DIS3L2: variants seen among roughly 807,000 people sequenced by gnomAD.
The protein encoded by DIS3L2 is DIS3-like exonuclease 2.
A neutral mutation model predicts 97.5 loss-of-function variants in DIS3L2; 34 were observed. The observed-to-expected ratio is 0.35, with a 90% CI of 0.27 to 0.46. The LOEUF is 0.46. Among genes scored for constraint, DIS3L2 ranks in the 20% least tolerant of loss-of-function variants. The pLI, the probability that DIS3L2 is intolerant of heterozygous loss-of-function variation, is 1.00. For missense variants in DIS3L2, 1,038 were observed against 1,146.0 expected (o/e 0.91, Z 1.36); for synonymous variants, 435 against 445.2 (o/e 0.98, Z 0.29).
chr2:232,190,792 G>A (rs1438295913), intron 9 of DIS3L2, among the ~76,000 whole-genome samples: 1 of 152,090 alleles, frequency 6.6e-6, no homozygotes, highest in East Asian at 1.9e-4. Context: ...GAGGACCAAG[G>A]ATAGACTGTG....
chr2:232,186,338 C>A (rs1574933341), intron 9 of DIS3L2, among the ~76,000 whole-genome samples: 1 of 152,178 alleles, frequency 6.6e-6, no homozygotes, highest in Non-Finnish European at 1.5e-5. Context: ...AGACTACGAA[C>A]TTTCATCATT....
Position 232,161,208 on chromosome 2 carries a change from G to A in DIS3L2, c.951-2251G>A, listed in dbSNP as rs372902422. ...TGGGATTACAGGCGTGAGCCACCGC[G>A]CCCAGCCTATTTGTTCATTTTCTAT... On this transcript the variant is annotated intron_variant, in intron 8 of 20. Transcript: ENST00000325385. 2.6e-5 allele frequency among the ~76,000 whole-genome samples: 4 copies of A among 152,076 alleles called. No individual in the cohort carries two copies. The South Asian group carries it at 6.2e-4, about 24-fold the overall frequency.
chr2:232,333,762 G>T, intron 16 of DIS3L2, 78 bp from the exon 17 acceptor site: 94 of 1,452,520 alleles, frequency 6.5e-5, no homozygotes, highest in Admixed American at 5.8e-4. Context: ...CGACGGTGAG[G>T]CTGTGGGTGG....
At chr2:232,196,940 C>G (rs1691773010) in intron 9 of DIS3L2, among the ~76,000 whole-genome samples, 1 of 151,980 alleles carries the variant, frequency 6.6e-6, no homozygotes, top group African/African-American at 2.4e-5. Context: ...CTTAACCCTT[C>G]CCCAGTTAGC....
chr2:232,074,032 G>A (rs1181562367), intron 5 of DIS3L2, among the ~76,000 whole-genome samples: 1 of 152,302 alleles, frequency 6.6e-6, no homozygotes, highest in East Asian at 1.9e-4. Flanking sequence ...TTCTTGCTAA[G>A]ACACTTCTTT....
At chr2:232,065,411 T>G (rs1695827268) in intron 5 of DIS3L2, among the ~76,000 whole-genome samples, 1 of 152,050 alleles carries the variant, frequency 6.6e-6, no homozygotes, top group Non-Finnish European at 1.5e-5. Flanking sequence ...AAGTGAGGGC[T>G]GAATTTCATC....
At chr2:232,148,475 A>G (rs1690288691) in intron 8 of DIS3L2, among the ~76,000 whole-genome samples, 1 of 152,222 alleles carries the variant, frequency 6.6e-6, no homozygotes, top group African/African-American at 2.4e-5. Flanking sequence ...CTCCAATGAA[A>G]GTCCGTAATA....
chr2:231,962,786 G>T (rs1692605454), intron 1 of DIS3L2, among the ~76,000 whole-genome samples: 1 of 152,162 alleles, frequency 6.6e-6, no homozygotes, highest in South Asian at 2.1e-4. Flanking sequence ...ACTCCCACTT[G>T]TAAGTGTGCT....
chr2:232,046,113 T>C (rs1022415452), intron 5 of DIS3L2, among the ~76,000 whole-genome samples: 3 of 152,202 alleles, frequency 2.0e-5, no homozygotes, highest in Non-Finnish European at 4.4e-5. Flanking sequence ...CGTGGTCATT[T>C]CTTTTCCTTG....
At chr2:232,334,153 C>T (rs969659438) in intron 17 of DIS3L2, among the ~76,000 whole-genome samples, 166 bp downstream of exon 17, 3 of 152,186 alleles carry the variant, frequency 2.0e-5, no homozygotes, top group Admixed American at 1.3e-4. Context: ...CCCTACGGGC[C>T]GGTGCTGCAG....
intron 1 of DIS3L2, among the ~76,000 whole-genome samples, chr2:231,984,003 TG>T (rs1693336787): frequency 1.3e-5 from 2 of 152,248 alleles, no homozygotes; most frequent in Admixed American, 1.3e-4. Flanking sequence ...TTTTGTGTAT[TG>T]TTTTTGGGCA....
At position 231,987,786 on chromosome 2, in the gene DIS3L2, G is replaced by C. The variant is rs189330282; in HGVS notation, c.-94+26021G>C. On this transcript the variant is annotated intron_variant, in intron 1 of 20. Coordinates refer to ENST00000325385, the MANE Select transcript of DIS3L2 (RefSeq NM_152383.5). ...TAGGGAGAAGAAGTACACCAGGTCTGTCATAGTTGTACTTTGGTGTTTTGG... is the reference window on the plus strand; with the variant it reads ...TAGGGAGAAGAAGTACACCAGGTCTCTCATAGTTGTACTTTGGTGTTTTGG... Among the ~76,000 whole-genome samples the C allele has an allele frequency of 2.4e-3, 370 of 152,212 alleles. 6 individuals are homozygous for C. The highest frequency in any genetic ancestry group is 1.7e-3 in the Non-Finnish European group (114 of 67,990).
chr2:232,282,943 T>G (rs1352365346), intron 13 of DIS3L2, among the ~76,000 whole-genome samples: 1 of 152,230 alleles, frequency 6.6e-6, no homozygotes, highest in African/African-American at 2.4e-5. Flanking sequence ...CCCCAGGTTG[T>G]TTCCATCCTG....
chr2:232,228,508 T>G (rs1288812746), intron 10 of DIS3L2, among the ~76,000 whole-genome samples: 4 of 152,234 alleles, frequency 2.6e-5, no homozygotes. Flanking sequence ...TGAAAATAGT[T>G]GTTTCCTGTT....
At chr2:232,212,578 T>C (rs1436207948) in intron 10 of DIS3L2, among the ~76,000 whole-genome samples, 7 of 152,264 alleles carry the variant, frequency 4.6e-5, no homozygotes, top group Non-Finnish European at 7.4e-5. Flanking sequence ...GAAAGATAGA[T>C]TGGGGACAAA....
chr2:232,218,650 C>T (rs978203717), intron 10 of DIS3L2, among the ~76,000 whole-genome samples: 2 of 152,204 alleles, frequency 1.3e-5, no homozygotes, highest in Non-Finnish European at 2.9e-5. Flanking sequence ...ATGATGGCAT[C>T]AGCTGGCGTC....
chr2:232,172,359 G>A (rs1574924639), intron 9 of DIS3L2, among the ~76,000 whole-genome samples: 2 of 152,054 alleles, frequency 1.3e-5, no homozygotes, highest in African/African-American at 2.4e-5. Context: ...GGATTTCCCT[G>A]TTCTGAACAT....
intron 5 of DIS3L2, among the ~76,000 whole-genome samples, chr2:232,030,571 G>A (rs1448160239): frequency 6.6e-6 from 1 of 152,164 alleles, no homozygotes; most frequent in Non-Finnish European, 1.5e-5. Flanking sequence ...TTATAAATCA[G>A]GGATTTAGTG....
intron 1 of DIS3L2, chr2:231,978,429 T>A (rs1693156625): frequency 6.6e-6 from 1 of 152,246 alleles, no homozygotes; most frequent in Non-Finnish European, 1.5e-5. Flanking sequence ...GATTTGCTTT[T>A]TTCCCATAGC....
Sources: allele counts gnomAD v4.1 joint callset (sites outside exome capture counted in the v4.1 genomes callset), GRCh38; gene constraint gnomAD v4.1.1; transcripts MANE v1.5; gene names NCBI Gene and HGNC (gene_info 2026-07-23, HGNC 2026-07-21).